Variants in DOCK3 observed in about 807,000 individuals in gnomAD.
DOCK3 encodes dedicator of cytokinesis 3.
In DOCK3, 60 loss-of-function variants were observed where a neutral mutation model predicts 265.6. That is an observed-to-expected ratio of 0.23 (90% CI 0.18 to 0.28). The LOEUF is 0.28. DOCK3 is among the 10% of genes least tolerant of loss of function. The pLI is 1.00. For synonymous variants in DOCK3, 881 were observed against 938.0 expected (o/e 0.94, Z 1.11); for missense variants, 1,981 against 2,594.3 (o/e 0.76, Z 5.14).
intron 5 of DOCK3, among the ~76,000 whole-genome samples, chr3:50,986,314 C>T (rs2077898156): frequency 1.3e-5 from 2 of 152,272 alleles, no homozygotes; most frequent in South Asian, 2.1e-4. Flanking sequence ...ATTATTTTCT[C>T]CTTATCATAA....
At chr3:51,365,540 A>G (rs192400789) in intron 49 of DOCK3, among the ~76,000 whole-genome samples, 1 of 152,318 alleles carries the variant, frequency 6.6e-6, no homozygotes, top group East Asian at 1.9e-4. Flanking sequence ...AGGAGTGGTG[A>G]GAGAGGGCAT....
chr3:51,007,305 T>C (rs1364214325), intron 5 of DOCK3, among the ~76,000 whole-genome samples: 2 of 152,250 alleles, frequency 1.3e-5, no homozygotes. Context: ...GACTTTTTAA[T>C]GATCGCCATT....
rs1433417010 is a variant in DOCK3, at chr3:51,237,594, A to G, written c.2102+4A>G. ...TTGCTGGAGCTCTGGCATACAAGTA[A>G]GTTCCATTTGGTATCATCATTAGGA... On this transcript the variant is annotated splice_donor_region_variant and intron_variant, in intron 21 of 52. Coordinates refer to ENST00000266037, the MANE Select transcript of DOCK3 (RefSeq NM_004947.5). 3.1e-6 allele frequency: 5 copies of G among 1,611,418 alleles called. No individual in the cohort carries two copies. Among genetic ancestry groups the G allele is most frequent in the Non-Finnish European group, 4.2e-6 (5 of 1,178,462 alleles).
chr3:50,819,133 G>A (rs1249130048), intron 2 of DOCK3, among the ~76,000 whole-genome samples: 1 of 152,128 alleles, frequency 6.6e-6, no homozygotes, highest in African/African-American at 2.4e-5. Context: ...TCATGTCCTA[G>A]TTTAATCTAG....
At chr3:51,108,727 G>A (rs1162388914) in intron 9 of DOCK3, among the ~76,000 whole-genome samples, 1 of 151,988 alleles carries the variant, frequency 6.6e-6, no homozygotes, top group Non-Finnish European at 1.5e-5. Flanking sequence ...AAAAAAGCAG[G>A]GATTGCAATC....
At chr3:51,192,272 A>G (rs1162257133) in intron 12 of DOCK3, among the ~76,000 whole-genome samples, 1 of 151,454 alleles carries the variant, frequency 6.6e-6, no homozygotes. Flanking sequence ...TATGGTGAGA[A>G]ATAGGTGTCC....
At chr3:50,802,631 A>T (rs2043133528) in intron 2 of DOCK3, among the ~76,000 whole-genome samples, 1 of 152,120 alleles carries the variant, frequency 6.6e-6, no homozygotes, top group Admixed American at 6.5e-5. Context: ...TTTTCTCCTG[A>T]GAAATTTACT....
At chr3:50,823,738 G>T (rs1210896624) in intron 2 of DOCK3, among the ~76,000 whole-genome samples, 1 of 151,860 alleles carries the variant, frequency 6.6e-6, no homozygotes, top group Non-Finnish European at 1.5e-5. Flanking sequence ...CCCAGTAGGG[G>T]CGGCTGGGCA....
intron 2 of DOCK3, among the ~76,000 whole-genome samples, chr3:50,829,360 T>G (rs538682748): frequency 4.1e-4 from 63 of 152,356 alleles, no homozygotes; most frequent in Non-Finnish European, 6.9e-4. Context: ...TGTCAGCCTC[T>G]CAGCTGCTGC....
intron 3 of DOCK3, among the ~76,000 whole-genome samples, chr3:50,843,381 T>A (rs2107284279): frequency 6.6e-6 from 1 of 152,302 alleles, no homozygotes; most frequent in African/African-American, 2.4e-5. Context: ...GCCACCAAGA[T>A]AACCAGACTT....
chr3:51,369,160 C>T lies in DOCK3; in HGVS notation c.5294-5309C>T, dbSNP rs561844315. ...CCTCCAAAGGAACGCAGCTCCTCGC[C>T]AGCAATGGAACAAAGCTGGATGGAG... is the stretch of plus-strand genomic sequence containing the variant. On this transcript the variant is annotated intron_variant, in intron 49 of 52. Coordinates refer to ENST00000266037, the MANE Select transcript of DOCK3 (RefSeq NM_004947.5). Among the ~76,000 whole-genome samples the T allele has an allele frequency of 2.6e-5, 4 of 152,344 alleles. No individual in the cohort carries two copies. In the South Asian group the frequency reaches 8.3e-4, roughly 32 times the overall value.
At chr3:51,116,312 G>A (rs556155884) in intron 9 of DOCK3, among the ~76,000 whole-genome samples, 34 of 151,788 alleles carry the variant, frequency 2.2e-4, no homozygotes, top group Middle Eastern at 6.8e-3. Context: ...TTAGCTGGGC[G>A]TGGTGGTGGG....
intron 1 of DOCK3, among the ~76,000 whole-genome samples, chr3:50,723,104 ACT>A (rs1238115359): frequency 3.3e-5 from 5 of 152,096 alleles, no homozygotes; most frequent in Non-Finnish European, 5.9e-5. Flanking sequence ...GGAAATGAAA[ACT>A]GAAAAGAACC....
chr3:51,249,764 C>A (rs1405259445), intron 22 of DOCK3, among the ~76,000 whole-genome samples: 89 of 118,890 alleles, frequency 7.5e-4, no homozygotes, highest in African/African-American at 2.7e-3. Flanking sequence ...ACCACCCCGT[C>A]TGGGAGGTGT....
chr3:51,264,702 G>T (rs532042601), intron 23 of DOCK3, among the ~76,000 whole-genome samples: 8 of 151,714 alleles, frequency 5.3e-5, no homozygotes, highest in African/African-American at 1.5e-4. Context: ...TGGCGGTTAC[G>T]TGTAGTCCCA....
intron 27 of DOCK3, among the ~76,000 whole-genome samples, chr3:51,287,923 C>T (rs887616995): frequency 6.6e-6 from 1 of 152,126 alleles, no homozygotes; most frequent in African/African-American, 2.4e-5. Flanking sequence ...AGAAAGTGTG[C>T]TACATATACA....
intron 1 of DOCK3, among the ~76,000 whole-genome samples, chr3:50,687,960 A>G (rs1261147694): frequency 1.3e-5 from 2 of 152,228 alleles, no homozygotes; most frequent in Admixed American, 6.5e-5. Context: ...GGACTTGTCA[A>G]CCTGGATTGC....
intron 12 of DOCK3, among the ~76,000 whole-genome samples, chr3:51,182,257 C>T (rs1042914663): frequency 1.3e-5 from 2 of 152,092 alleles, no homozygotes; most frequent in Non-Finnish European, 2.9e-5. Context: ...GTTTTCTCAT[C>T]GTTAACAATA....
At chr3:51,236,295 T>G (rs2078346437) in intron 19 of DOCK3, 50 bp from the exon 20 acceptor site, 1 of 1,345,822 alleles carries the variant, frequency 7.4e-7, no homozygotes, top group African/African-American at 1.4e-5. Flanking sequence ...TGGAAGTTTG[T>G]GCGTGTAAGG....
Sources: gnomAD v4.1 joint callset for allele counts (sites outside exome capture counted in the v4.1 genomes callset) on GRCh38, gnomAD v4.1.1 for gene constraint, MANE v1.5 for transcripts, NCBI Gene and HGNC (gene_info 2026-07-23, HGNC 2026-07-21) for gene names.